The following SRFBP1 variants were observed in gnomAD, a reference collection of about 807,000 sequenced individuals.
SRFBP1 encodes serum response factor binding protein 1, also known as serum response factor-binding protein 1.
Under a neutral mutation model 45.5 loss-of-function variants are expected in SRFBP1, and 47 were observed. That is an observed-to-expected ratio of 1.03 (90% CI 0.82 to 1.32). SRFBP1 has a LOEUF of 1.32. Ranked by LOEUF, SRFBP1 falls within the 40% of genes most tolerant of loss-of-function variation. The pLI, the probability that SRFBP1 is intolerant of heterozygous loss-of-function variation, is 0.00. For missense variants in SRFBP1, 621 were observed against 484.6 expected, an observed-to-expected ratio of 1.28 and a Z score of -2.64; for synonymous variants, 203 against 166.3, an observed-to-expected ratio of 1.22 and a Z score of -1.70.
At chr5:121,972,214 A>G in intron 1 of SRFBP1, among the ~76,000 whole-genome samples, 1 of 151,988 alleles carries the variant, frequency 6.6e-6, no homozygotes, top group Non-Finnish European at 1.5e-5. Flanking sequence ...AAAGACAGTT[A>G]AAAGATAAAC....
chr5:122,043,675 C>T (rs867913662), intron 2 of SRFBP1, among the ~76,000 whole-genome samples: 5 of 152,042 alleles, frequency 3.3e-5, no homozygotes, highest in East Asian at 1.9e-4. Flanking sequence ...TTTGTATACT[C>T]TACTTAATAA....
At chr5:122,051,362 T>C (rs1753970826) in intron 2 of SRFBP1, among the ~76,000 whole-genome samples, 1 of 152,072 alleles carries the variant, frequency 6.6e-6, no homozygotes, top group Non-Finnish European at 1.5e-5. Context: ...AGTGTTGAAG[T>C]CTCCCACTAC....
At chr5:121,981,743 C>T (rs1243001863) in intron 3 of SRFBP1, among the ~76,000 whole-genome samples, 6 of 151,908 alleles carry the variant, frequency 3.9e-5, no homozygotes, top group African/African-American at 1.4e-4. Flanking sequence ...CTGCTCTAAT[C>T]CCAGAAGAAG....
At chr5:122,012,312 T>C (rs1053313863) in intron 4 of SRFBP1, among the ~76,000 whole-genome samples, 8 of 152,250 alleles carry the variant, frequency 5.3e-5, no homozygotes, top group African/African-American at 1.4e-4. Context: ...GCTAAAAATA[T>C]TAAATTTGAC....
rs73795213 is a variant in SRFBP1 at position 122,053,983 on chromosome 5, C to G, written n.312-21332C>G. Among the ~76,000 whole-genome samples, 213 of 152,284 alleles carry G rather than the reference C, an allele frequency of 1.4e-3. 1 individual carries two copies. The highest frequency in any genetic ancestry group is 4.9e-3 in the African/African-American group (203 of 41,564). On this transcript the variant is annotated intron_variant and non_coding_transcript_variant, in intron 2 of 2. Coordinates refer to the SRFBP1 transcript ENST00000504881. ...TCAAGTGGCGGGGTAGTTGGAGTGG[C>G]CAGCCAAGTTCAGGCTGAATCAGAA...
At position 122,066,795 on chromosome 5, in the gene SRFBP1, T is replaced by C. The variant is rs376740354; in HGVS notation, n.312-8520T>C. On this transcript the variant is annotated intron_variant and non_coding_transcript_variant, in intron 2 of 2. Transcript: ENST00000504881. ...AAGACAAATTATTAACCTGATAATA[T>C]AATGAATGAGTACAACAGACAAATT... 6.6e-6 allele frequency: 8 copies of C among 1,219,766 alleles called. No homozygotes were observed. The African/African-American group carries it at 9.0e-5, about 14-fold the overall frequency. The allele number at this position is 1,219,766 out of a possible 1,614,324, so 75.6% of individuals were successfully genotyped here. A position where few individuals can be genotyped will look rare whatever the true frequency, so the allele number is the denominator to read the frequency against.
intron 2 of SRFBP1, among the ~76,000 whole-genome samples, chr5:122,062,858 A>C (rs189281137): frequency 5.1e-4 from 77 of 152,002 alleles, no homozygotes; most frequent in African/African-American, 1.6e-3. Context: ...TTGTAGCTAG[A>C]ATTAGATGTG....
chr5:122,010,344 TATG>T (rs2112695258), intron 4 of SRFBP1, among the ~76,000 whole-genome samples: 1 of 152,240 alleles, frequency 6.6e-6, no homozygotes, highest in Admixed American at 6.5e-5. Flanking sequence ...GACATATACA[TATG>T]GTGCTCTGGG....
At chr5:122,022,066 A>G (rs918037996) in intron 6 of SRFBP1, among the ~76,000 whole-genome samples, 6 of 152,076 alleles carry the variant, frequency 3.9e-5, no homozygotes, top group Non-Finnish European at 7.3e-5. Flanking sequence ...TTCTTTATAT[A>G]GATAATCCCG....
At chr5:122,055,404 G>A (rs527818809) in intron 2 of SRFBP1, among the ~76,000 whole-genome samples, 41 of 152,286 alleles carry the variant, frequency 2.7e-4, no homozygotes, top group African/African-American at 9.9e-4. Context: ...ACACTTTTCT[G>A]AAGCTAGGAT....
At chr5:121,989,475 G>A (rs1258803426) in intron 3 of SRFBP1, among the ~76,000 whole-genome samples, 1 of 152,126 alleles carries the variant, frequency 6.6e-6, no homozygotes, top group Non-Finnish European at 1.5e-5. Context: ...TATCATATAA[G>A]CACAAACTAG....
At position 122,020,041 on chromosome 5, in the gene SRFBP1, TTA is replaced by T. The variant is rs759443930; in HGVS notation, c.353-43_353-42del. ...AATACTGTCCTAAAACAGTCATGTT[TTA>T]TATGTTTCAGTGCTAAAATGAGTGA... is the stretch of plus-strand genomic sequence containing the variant. On this transcript the variant is annotated intron_variant, in intron 5 of 7. Coordinates refer to ENST00000339397, the MANE Select transcript of SRFBP1 (RefSeq NM_152546.3). 22 of 1,315,490 alleles carry T rather than the reference TTA, an allele frequency of 1.7e-5. No individual in the cohort carries two copies. In the South Asian group the frequency reaches 2.9e-4, roughly 17 times the overall value. 81.5% of individuals were successfully genotyped at this position (1,315,490 alleles called of 1,614,324 possible).
rs544527410 is a variant in SRFBP1, at chr5:122,008,412, T to C, written c.271-10848T>C. Among the ~76,000 whole-genome samples the C allele has an allele frequency of 2.2e-4, 33 of 151,918 alleles. 1 individual carries two copies. The South Asian group carries it at 6.9e-3, about 32-fold the overall frequency. On this transcript the variant is annotated intron_variant, in intron 4 of 7. Coordinates refer to ENST00000339397, the MANE Select transcript of SRFBP1 (RefSeq NM_152546.3). ...CTTCTTGGTGCTGGTTTTACTGGAGTAGGTTGTGTTTTGGGTTCCCAGGCA... is the reference window on the plus strand; with the variant it reads ...CTTCTTGGTGCTGGTTTTACTGGAGCAGGTTGTGTTTTGGGTTCCCAGGCA...
chr5:121,989,894 G>T (rs1011060861), intron 3 of SRFBP1, among the ~76,000 whole-genome samples: 1 of 151,908 alleles, frequency 6.6e-6, no homozygotes, highest in Non-Finnish European at 1.5e-5. Context: ...CCCAGTATTT[G>T]TTCTCTTTCA....
chr5:122,076,830 A>C, downstream of SRFBP1: 1 of 1,437,602 alleles, frequency 7.0e-7, no homozygotes, highest in Non-Finnish European at 9.8e-7. Flanking sequence ...AGTCAGAACC[A>C]GGCACCAGAG....
chr5:121,983,276 T>A (rs1752448517), intron 3 of SRFBP1, among the ~76,000 whole-genome samples: 1 of 151,808 alleles, frequency 6.6e-6, no homozygotes, highest in African/African-American at 2.4e-5. Context: ...TGAAAATGGC[T>A]GTCTGTTCGA....
downstream of SRFBP1, chr5:122,077,707 C>T (rs750204955): frequency 3.2e-5 from 51 of 1,592,628 alleles, no homozygotes; most frequent in Non-Finnish European, 4.2e-5. This position sits in a 1 kb window ranked among gnomAD's most constrained non-coding sequence, Gnocchi z 4.9. Context: ...TGTCGCGGAT[C>T]AGCAGGATCG....
rs200355237 is a variant in SRFBP1, at chr5:122,066,796, A to C, written n.312-8519A>C. 446 of 1,177,886 alleles carry C rather than the reference A, an allele frequency of 3.8e-4. 1 individual carries two copies. Among genetic ancestry groups the C allele is most frequent in the Admixed American group, 7.7e-4 (44 of 57,488 alleles). 73.0% of individuals were successfully genotyped at this position (1,177,886 alleles called of 1,614,324 possible). ...AGACAAATTATTAACCTGATAATATAATGAATGAGTACAACAGACAAATTT... is the reference window on the plus strand; with the variant it reads ...AGACAAATTATTAACCTGATAATATCATGAATGAGTACAACAGACAAATTT... On this transcript the variant is annotated intron_variant and non_coding_transcript_variant, in intron 2 of 2. Transcript: ENST00000504881.
chr5:121,984,537 C>T (rs1197966747), intron 3 of SRFBP1, among the ~76,000 whole-genome samples: 2 of 151,680 alleles, frequency 1.3e-5, no homozygotes, highest in South Asian at 2.1e-4. Flanking sequence ...TATAAATGGG[C>T]ACATCTATGA....
Sources: allele counts gnomAD v4.1 joint callset (sites outside exome capture counted in the v4.1 genomes callset), GRCh38; gene constraint gnomAD v4.1.1; non-coding constraint Gnocchi (gnomAD v3.1); transcripts MANE v1.5; gene names NCBI Gene and HGNC (gene_info 2026-07-23, HGNC 2026-07-21).